MAP3K7CL: variants seen among roughly 807,000 people sequenced by gnomAD.
The protein encoded by MAP3K7CL is MAP3K7 C-terminal-like protein.
Under a neutral mutation model 18.6 loss-of-function variants are expected in MAP3K7CL, and 16 were observed. That is an observed-to-expected ratio of 0.86 (90% CI 0.58 to 1.31). The LOEUF is 1.31. Among genes scored for constraint, MAP3K7CL ranks in the 50% most tolerant of loss-of-function variants. MAP3K7CL has a pLI of 0.00. For synonymous variants in MAP3K7CL, 65 were observed against 66.8 expected, an observed-to-expected ratio of 0.97 and a Z score of 0.13; for missense variants, 163 against 174.4, an observed-to-expected ratio of 0.93 and a Z score of 0.37.
chr21:29,146,329 G>T (rs901639994), intron 2 of MAP3K7CL, among the ~76,000 whole-genome samples: 1 of 152,130 alleles, frequency 6.6e-6, no homozygotes, highest in East Asian at 1.9e-4. Context: ...TAAAATGGTC[G>T]TGATGTCTAG....
chr21:29,092,018 G>A (rs1484932494), intron 3 of MAP3K7CL, among the ~76,000 whole-genome samples: 1 of 152,178 alleles, frequency 6.6e-6, no homozygotes, highest in Non-Finnish European at 1.5e-5. Flanking sequence ...GGGATTGCAA[G>A]CTGGGCCTGC....
At chr21:29,112,254 C>T (rs1473955750) in intron 4 of MAP3K7CL, among the ~76,000 whole-genome samples, 5 of 152,066 alleles carry the variant, frequency 3.3e-5, no homozygotes, top group African/African-American at 7.2e-5. Context: ...GCTGAGATCA[C>T]GCCATTGCAC....
rs2087955367 is a variant in MAP3K7CL at position 29,175,856 on chromosome 21, C to T, written c.*964C>T. The stretch of plus-strand genomic sequence containing the variant: ...TATATGTCCATTTCTATTCATGTAA[C>T]TTCTTTTTCATTAAACATGGATCAA... On this transcript the variant is annotated 3_prime_UTR_variant, in exon 5 of 5. Coordinates refer to ENST00000399928, the MANE Select transcript of MAP3K7CL (RefSeq NM_001286620.2). 6.6e-6 allele frequency: 1 copy of T among 152,148 alleles called. No homozygotes were observed. The highest frequency in any genetic ancestry group is 1.5e-5 in the Non-Finnish European group (1 of 68,030). 9.4% of individuals were successfully genotyped at this position (152,148 alleles called of 1,614,324 possible).
rs1255243399 is a variant in MAP3K7CL at position 29,159,991 on chromosome 21, G to C, written c.183G>C (p.Gln61His). Residue 61 changes from glutamine to histidine, a missense_variant, in exon 4 of 5, where the codon CAG becomes CAC. By Grantham distance (24) the Gln-to-His change is conservative. Transcript: ENST00000399928. ...DSEESMEVFK[Q>H]HCQIAEEYHE... ...AGGAATCCATGGAGGTGTTCAAACA[G>C]CACTGCCAAATAGCAGAAGAATACC... is the stretch of plus-strand genomic sequence containing the variant. 19 of 1,614,108 alleles carry C rather than the reference G, an allele frequency of 1.2e-5. No individual in the cohort carries two copies. The highest frequency in any genetic ancestry group is 1.5e-5 in the Non-Finnish European group (18 of 1,179,956).
chr21:29,091,577 G>T lies in MAP3K7CL; in HGVS notation c.133+1G>T. ...TACAGCCCTGACCTCCTGGGCCCAGGTAATTGTCCCACCTCAGCCCCTCAA... is the reference window on the plus strand; with the variant it reads ...TACAGCCCTGACCTCCTGGGCCCAGTTAATTGTCCCACCTCAGCCCCTCAA... On this transcript the variant is annotated splice_donor_variant, in intron 2 of 6. Coordinates refer to the MAP3K7CL transcript ENST00000286791. LOFTEE classifies it high-confidence loss of function. The T allele has an allele frequency of 1.4e-6, 1 of 701,358 alleles. No individual in the cohort carries two copies. Among genetic ancestry groups the T allele is most frequent in the East Asian group, 2.7e-5 (1 of 37,276 alleles). The allele number at this position is 701,358 out of a possible 1,614,324, so 43.4% of individuals were successfully genotyped here.
At chr21:29,154,806 T>C (rs1054888458) in intron 3 of MAP3K7CL, among the ~76,000 whole-genome samples, 2 of 152,234 alleles carry the variant, frequency 1.3e-5, no homozygotes, top group African/African-American at 4.8e-5. Context: ...AAGTATTGTA[T>C]ACTGCAATTT....
chr21:29,083,419 A>G (rs1295001306), upstream of MAP3K7CL, among the ~76,000 whole-genome samples: 3 of 152,228 alleles, frequency 2.0e-5, no homozygotes, highest in Admixed American at 6.5e-5. Context: ...ATTGTCTTAT[A>G]ATAAGGAAAA....
chr21:29,168,642 A>T (rs1344489186), intron 4 of MAP3K7CL, among the ~76,000 whole-genome samples: 3 of 152,184 alleles, frequency 2.0e-5, no homozygotes, highest in African/African-American at 7.2e-5. Flanking sequence ...ATTCCCAAGT[A>T]TTTCTACACC....
At chr21:29,124,083 G>T (rs2086641716) in intron 4 of MAP3K7CL, among the ~76,000 whole-genome samples, 1 of 152,008 alleles carries the variant, frequency 6.6e-6, no homozygotes, top group Non-Finnish European at 1.5e-5. Context: ...GGCCAAGGGT[G>T]GTGGCTCATG....
At chr21:29,101,722 T>A (rs2086233942) in intron 4 of MAP3K7CL, among the ~76,000 whole-genome samples, 1 of 152,234 alleles carries the variant, frequency 6.6e-6, no homozygotes, top group South Asian at 2.1e-4. Context: ...TTAACATTTT[T>A]ATCAGTGACT....
At chr21:29,143,675 G>A (rs1213114260) in intron 2 of MAP3K7CL, among the ~76,000 whole-genome samples, 5 of 152,100 alleles carry the variant, frequency 3.3e-5, no homozygotes, top group Non-Finnish European at 7.4e-5. Flanking sequence ...CGCCCACCTC[G>A]GCCTCCCAAA....
intron 4 of MAP3K7CL, among the ~76,000 whole-genome samples, chr21:29,123,654 A>G (rs2086635723): frequency 6.6e-6 from 1 of 152,232 alleles, no homozygotes; most frequent in South Asian, 2.1e-4. Flanking sequence ...AAAATTTAAA[A>G]ATTAATGGAG....
chr21:29,126,461 G>A (rs1222130853), upstream of MAP3K7CL, among the ~76,000 whole-genome samples: 4 of 151,950 alleles, frequency 2.6e-5, no homozygotes, highest in Admixed American at 2.6e-4. Flanking sequence ...TTTTTTGTTT[G>A]TTTGTTTGTT....
chr21:29,098,101 C>T (rs1376620287), intron 4 of MAP3K7CL, among the ~76,000 whole-genome samples: 1 of 152,178 alleles, frequency 6.6e-6, no homozygotes, highest in Non-Finnish European at 1.5e-5. Flanking sequence ...ACATGAGGCT[C>T]ATGTCTACCA....
At chr21:29,169,559 T>C (rs2087773413) in intron 4 of MAP3K7CL, among the ~76,000 whole-genome samples, 1 of 152,188 alleles carries the variant, frequency 6.6e-6, no homozygotes, top group South Asian at 2.1e-4. Context: ...TTTTATTATA[T>C]TATTTCCCCA....
rs116072434 is a variant in MAP3K7CL at position 29,087,258 on chromosome 21, C to A, written c.57+1341C>A. The stretch of plus-strand genomic sequence containing the variant: ...TTGACAACTCTGTCTTCAGGAACTT[C>A]CTCAATATTCCTTTTACATCACCCT... On this transcript the variant is annotated intron_variant, in intron 1 of 6. Transcript: ENST00000286791. 8.7e-3 allele frequency among the ~76,000 whole-genome samples: 1,332 copies of A among 152,256 alleles called. 19 individuals carry two copies. The highest frequency in any genetic ancestry group is 0.031 in the African/African-American group (1,272 of 41,528).
At chr21:29,149,105 C>A in intron 2 of MAP3K7CL, 84 bp from the exon 3 acceptor site, 2 of 1,083,778 alleles carry the variant, frequency 1.8e-6, no homozygotes, top group Non-Finnish European at 2.9e-6. Context: ...ACAGTGTATA[C>A]TGATGGTCTA....
intron 4 of MAP3K7CL, among the ~76,000 whole-genome samples, chr21:29,164,947 G>T (rs865957721): frequency 6.6e-6 from 1 of 151,850 alleles, no homozygotes; most frequent in Non-Finnish European, 1.5e-5. Context: ...GATTTTTTCC[G>T]TAAATATTAT....
intron 4 of MAP3K7CL, among the ~76,000 whole-genome samples, chr21:29,171,995 T>C (rs1409834195): frequency 7.9e-6 from 1 of 126,052 alleles, no homozygotes; most frequent in Non-Finnish European, 1.9e-5. Flanking sequence ...CATGTATGTA[T>C]ACGTATGCAT....
Sources: gnomAD v4.1 joint callset for allele counts (sites outside exome capture counted in the v4.1 genomes callset) on GRCh38, gnomAD v4.1.1 for gene constraint, MANE v1.5 for transcripts, NCBI Gene and HGNC (gene_info 2026-07-23, HGNC 2026-07-21) for gene names.